Variants in CAMTA1 observed in about 807,000 individuals in gnomAD.
CAMTA1 encodes calmodulin binding transcription activator 1.
A neutral mutation model predicts 170.9 loss-of-function variants in CAMTA1; 27 were observed. The ratio of observed to expected loss-of-function variants is 0.16; its 90% confidence interval spans 0.12 to 0.22. The LOEUF (loss-of-function observed/expected upper bound fraction) is 0.22. Among genes scored for constraint, CAMTA1 ranks in the 10% least tolerant of loss-of-function variants. CAMTA1 has a pLI of 1.00. For synonymous variants in CAMTA1, 833 were observed against 891.5 expected, an observed-to-expected ratio of 0.93 and a Z score of 1.17; for missense variants, 1,619 against 2,217.2, an observed-to-expected ratio of 0.73 and a Z score of 5.42.
chr1:7,624,084 G>A (rs1049270934), intron 6 of CAMTA1, among the ~76,000 whole-genome samples: 1 of 152,172 alleles, frequency 6.6e-6, no homozygotes, highest in Non-Finnish European at 1.5e-5. Flanking sequence ...AGTTACCCTG[G>A]GCTGGTGCCA....
rs1332552022 is a variant in CAMTA1, at chr1:7,146,950, ACATT to A, written c.302+55582_302+55585del. ...TATACACCATGTTCACACACATCAC[ACATT>A]CAAACATATGCCGTGCACACACACA... On this transcript the variant is annotated intron_variant, in intron 4 of 22. Coordinates refer to ENST00000303635, the MANE Select transcript of CAMTA1 (RefSeq NM_015215.4). The surrounding 1 kb of genome is among the most constrained non-coding windows in gnomAD (Gnocchi z 4.3). Among the ~76,000 whole-genome samples, 1 of 151,974 alleles carries A rather than the reference ACATT, an allele frequency of 6.6e-6. No homozygotes were observed. Among genetic ancestry groups the A allele is most frequent in the East Asian group, 1.9e-4 (1 of 5,178 alleles).
rs560645687 is a variant in CAMTA1 at position 7,249,958 on chromosome 1, G to A, written c.438+332G>A. On this transcript the variant is annotated intron_variant, in intron 5 of 22. Coordinates refer to ENST00000303635, the MANE Select transcript of CAMTA1 (RefSeq NM_015215.4). The surrounding 1 kb of genome is among the most constrained non-coding windows in gnomAD (Gnocchi z 4.4). ...GCATTGAGAGTTTGCAAAGTGTCAG[G>A]GAAGAGGGGAGGCAGCGTAAGGAAC... is the stretch of plus-strand genomic sequence containing the variant. Among the ~76,000 whole-genome samples, 1 of 152,248 alleles carries A rather than the reference G, an allele frequency of 6.6e-6. No individual in the cohort carries two copies. The highest frequency in any genetic ancestry group is 1.5e-5 in the Non-Finnish European group (1 of 68,020).
At chr1:7,073,695 A>G (rs1368862404) in intron 3 of CAMTA1, among the ~76,000 whole-genome samples, 4 of 152,338 alleles carry the variant, frequency 2.6e-5, no homozygotes, top group South Asian at 4.1e-4. Context: ...AGAATTTGCC[A>G]TGGGCTTTGG....
intron 1 of CAMTA1, among the ~76,000 whole-genome samples, chr1:6,796,558 A>G (rs1553146841): frequency 1.3e-5 from 2 of 151,664 alleles, no homozygotes; most frequent in Non-Finnish European, 2.9e-5. Flanking sequence ...ATGGATTTAG[A>G]TTTTTTTTTG....
chr1:6,884,703 G>A (rs533907988), intron 3 of CAMTA1, among the ~76,000 whole-genome samples: 1 of 152,264 alleles, frequency 6.6e-6, no homozygotes, highest in Admixed American at 6.5e-5. Context: ...AAGTATTTGT[G>A]AACCCTGTGT....
chr1:6,913,289 T>C (rs539111458), intron 3 of CAMTA1, among the ~76,000 whole-genome samples: 1 of 152,290 alleles, frequency 6.6e-6, no homozygotes, highest in African/African-American at 2.4e-5. Context: ...CTCCGCTTGC[T>C]CTGACCCAGT....
At chr1:7,660,771 C>T (rs1254956804) in intron 7 of CAMTA1, among the ~76,000 whole-genome samples, 1 of 152,184 alleles carries the variant, frequency 6.6e-6, no homozygotes, top group Non-Finnish European at 1.5e-5. Flanking sequence ...CTCCGTATCT[C>T]GACCCTGTGC....
At position 6,831,369 on chromosome 1, in the gene CAMTA1, A is replaced by G. The variant is rs1570610446; in HGVS notation, c.234+6159A>G. 2.6e-5 allele frequency among the ~76,000 whole-genome samples: 4 copies of G among 152,224 alleles called. No homozygotes were observed. In the South Asian group the frequency reaches 8.3e-4, roughly 32 times the overall value. ...TAAGGTTTCTGCATTTTAAGTTAGT[A>G]TTTTTAAGGCCTAGAGCCAGAAATA... On this transcript the variant is annotated intron_variant, in intron 3 of 22. Transcript: ENST00000303635.
At chr1:7,039,804 G>T (rs1326783328) in intron 3 of CAMTA1, among the ~76,000 whole-genome samples, 1 of 152,106 alleles carries the variant, frequency 6.6e-6, no homozygotes, top group African/African-American at 2.4e-5. Flanking sequence ...TAACCTATAG[G>T]GGAGTGGGAG....
intron 4 of CAMTA1, among the ~76,000 whole-genome samples, chr1:7,140,486 T>G (rs1645826809): frequency 6.6e-6 from 1 of 152,180 alleles, no homozygotes; most frequent in Non-Finnish European, 1.5e-5. Flanking sequence ...CTTTGACTGC[T>G]TTTCTGCTTT....
intron 4 of CAMTA1, among the ~76,000 whole-genome samples, chr1:7,175,610 G>A (rs1342038475): frequency 6.6e-6 from 1 of 152,232 alleles, no homozygotes; most frequent in East Asian, 1.9e-4. Flanking sequence ...GGAGGAGCAG[G>A]CAACTGCACT....
At chr1:7,654,207 C>G (rs1447794468) in intron 7 of CAMTA1, among the ~76,000 whole-genome samples, 1 of 151,684 alleles carries the variant, frequency 6.6e-6, no homozygotes, top group East Asian at 1.9e-4. Context: ...ATGCTGAAAC[C>G]CTGTCTCTAC....
At chr1:7,334,845 T>C (rs1466940321) in intron 5 of CAMTA1, among the ~76,000 whole-genome samples, 1 of 152,090 alleles carries the variant, frequency 6.6e-6, no homozygotes, top group Non-Finnish European at 1.5e-5. Flanking sequence ...TAAAACCAAC[T>C]GTTTTGAAAG....
chr1:7,749,215 G>C (rs1266443167), intron 19 of CAMTA1, among the ~76,000 whole-genome samples: 1 of 152,078 alleles, frequency 6.6e-6, no homozygotes, highest in Non-Finnish European at 1.5e-5. Flanking sequence ...ATAGAAATTA[G>C]GGATTCTATC....
rs2149545834 is a variant in CAMTA1, at chr1:7,300,144, C to T, written c.438+50518C>T. Among the ~76,000 whole-genome samples, 1 of 152,268 alleles carries T rather than the reference C, an allele frequency of 6.6e-6. No individual in the cohort carries two copies. The highest frequency in any genetic ancestry group is 2.4e-5 in the African/African-American group (1 of 41,558). ...AAAAAAAATTCCCTTCGCAATAAAG[C>T]ACCAGATTGAATGTCCGATGAGTCA... On this transcript the variant is annotated intron_variant, in intron 5 of 22. Coordinates refer to ENST00000303635, the MANE Select transcript of CAMTA1 (RefSeq NM_015215.4). The surrounding 1 kb of genome is among the most constrained non-coding windows in gnomAD (Gnocchi z 4.1).
intron 5 of CAMTA1, chr1:7,441,129 C>T (rs915558266): frequency 2.0e-5 from 3 of 152,174 alleles, no homozygotes; most frequent in African/African-American, 7.2e-5. Context: ...TGAGATTTTT[C>T]CTTGTGGAGT....
intron 5 of CAMTA1, among the ~76,000 whole-genome samples, chr1:7,301,828 C>T (rs1306706226): frequency 6.6e-6 from 1 of 152,198 alleles, no homozygotes; most frequent in Non-Finnish European, 1.5e-5. Context: ...TCCTGCAGCA[C>T]AGAGGCCTCC....
chr1:6,931,036 T>G (rs186872630), intron 3 of CAMTA1, among the ~76,000 whole-genome samples: 175 of 152,308 alleles, frequency 1.1e-3, no homozygotes, highest in South Asian at 7.0e-3. Flanking sequence ...GGCCCTTCCC[T>G]GGGGCATAGA....
rs74051019 is a variant in CAMTA1, at chr1:6,869,370, A to G, written c.234+44160A>G. 2.6e-3 allele frequency among the ~76,000 whole-genome samples: 396 copies of G among 152,316 alleles called. 1 individual carries two copies. The highest frequency in any genetic ancestry group is 9.2e-3 in the African/African-American group (383 of 41,580). On this transcript the variant is annotated intron_variant, in intron 3 of 22. Coordinates refer to ENST00000303635, the MANE Select transcript of CAMTA1 (RefSeq NM_015215.4). ...ACCTCAAATAGTTCAGGTTAAATCG[A>G]CAGTTGTCAAGTCTAATTCCTCTTT...
Sources: gnomAD v4.1 joint callset for allele counts (sites outside exome capture counted in the v4.1 genomes callset) on GRCh38, gnomAD v4.1.1 for gene constraint, Gnocchi (gnomAD v3.1) non-coding constraint, MANE v1.5 for transcripts, NCBI Gene and HGNC (gene_info 2026-07-23, HGNC 2026-07-21) for gene names.